Variants in MGRN1 observed in about 807,000 individuals in gnomAD.
MGRN1 encodes mahogunin ring finger 1, also known as E3 ubiquitin-protein ligase MGRN1.
Under a neutral mutation model 69.2 loss-of-function variants are expected in MGRN1, and 29 were observed. The observed-to-expected ratio is 0.42, with a 90% CI of 0.31 to 0.57. The LOEUF is 0.57. Ranked by LOEUF, MGRN1 falls within the 20% of genes least tolerant of loss-of-function variation. MGRN1 has a pLI of 0.15. For synonymous variants in MGRN1, 470 were observed against 344.2 expected, an observed-to-expected ratio of 1.37 and a Z score of -4.04; for missense variants, 998 against 796.2, an observed-to-expected ratio of 1.25 and a Z score of -3.05.
At chr16:4,627,844 G>T (rs1217861929) in intron 1 of MGRN1, among the ~76,000 whole-genome samples, 1 of 150,816 alleles carries the variant, frequency 6.6e-6, no homozygotes, top group Non-Finnish European at 1.5e-5. Context: ...ACTTTGGGAG[G>T]CTGAGGCAGG....
chr16:4,679,742 G>C (rs973124051), intron 11 of MGRN1, among the ~76,000 whole-genome samples: 1 of 152,214 alleles, frequency 6.6e-6, no homozygotes, highest in African/African-American at 2.4e-5. Context: ...GGCCAAATCT[G>C]TTGCCCCAGG....
chr16:4,633,272 C>G (rs1434435131), intron 1 of MGRN1, among the ~76,000 whole-genome samples: 1 of 151,976 alleles, frequency 6.6e-6, no homozygotes, highest in Admixed American at 6.6e-5. Context: ...GCCCATAATC[C>G]CAGCTACTCA....
chr16:4,669,785 G>C (rs1240808239), intron 8 of MGRN1, among the ~76,000 whole-genome samples: 1 of 151,988 alleles, frequency 6.6e-6, no homozygotes, highest in Non-Finnish European at 1.5e-5. Context: ...AGAATAAATG[G>C]AGCTATAGAG....
At chr16:4,643,803 T>C (rs1395879560) in intron 1 of MGRN1, among the ~76,000 whole-genome samples, 2 of 152,194 alleles carry the variant, frequency 1.3e-5, no homozygotes, top group Non-Finnish European at 2.9e-5. Context: ...TAATACCCAA[T>C]TGATCAAACA....
intron 1 of MGRN1, among the ~76,000 whole-genome samples, chr16:4,631,052 A>G (rs1192150171): frequency 6.7e-6 from 1 of 149,570 alleles, no homozygotes; most frequent in Non-Finnish European, 1.5e-5. Context: ...AAAGTCCTGG[A>G]CTCAAGCAAT....
chr16:4,668,613 C>A (rs1210715673), intron 8 of MGRN1, among the ~76,000 whole-genome samples: 2 of 142,066 alleles, frequency 1.4e-5, no homozygotes, highest in African/African-American at 2.8e-5. Flanking sequence ...CACTCACACT[C>A]ACATGCAGTC....
chr16:4,665,658 G>A (rs1203356612), intron 7 of MGRN1, among the ~76,000 whole-genome samples: 1 of 146,050 alleles, frequency 6.8e-6, no homozygotes, highest in Non-Finnish European at 1.5e-5. Context: ...CGTGAGCCAC[G>A]TGCCCGGCCT....
In MGRN1 at chr16:4,671,404, G is replaced by T. The variant is rs368889081; in HGVS notation, c.740G>T (p.Ser247Ile). The T allele has an allele frequency of 1.2e-6, 2 of 1,614,094 alleles. No homozygotes were observed. Among genetic ancestry groups the T allele is most frequent in the African/African-American group, 1.3e-5 (1 of 75,030 alleles). ...TCTGCTCTCCAGGTGGACCGGGTCA[G>T]CTACCTCCTGCAGGAGATCTATGGC... ...LKQKQIVDRV[S>I]YLLQEIYGIE... Residue 247 changes from serine (S) to isoleucine (I), a missense_variant, in exon 9 of 17, where the codon AGC becomes ATC. Coordinates refer to ENST00000262370, the MANE Select transcript of MGRN1 (RefSeq NM_015246.4).
At chr16:4,663,262 C>G (rs1296841620) in intron 5 of MGRN1, among the ~76,000 whole-genome samples, 1 of 151,586 alleles carries the variant, frequency 6.6e-6, no homozygotes, top group Non-Finnish European at 1.5e-5. Context: ...CAGGGTTTCA[C>G]CATATTGGCC....
intron 1 of MGRN1, among the ~76,000 whole-genome samples, chr16:4,638,639 C>T (rs1425829574): frequency 6.6e-6 from 1 of 152,218 alleles, no homozygotes; most frequent in Non-Finnish European, 1.5e-5. Flanking sequence ...TCTGGCCTCC[C>T]ACCTGGTGGG....
intron 5 of MGRN1, among the ~76,000 whole-genome samples, chr16:4,658,367 C>G (rs960268117): frequency 6.6e-6 from 1 of 151,532 alleles, no homozygotes; most frequent in Admixed American, 6.6e-5. Context: ...AACCCCGTCT[C>G]TACTAAAAAT....
At chr16:4,674,001 G>C (rs142439473) in intron 10 of MGRN1, among the ~76,000 whole-genome samples, 2,279 of 152,272 alleles carry the variant, frequency 0.015, 30 homozygotes, top group Non-Finnish European at 0.023. Flanking sequence ...ATTATTTTTT[G>C]TTTGAGACAG....
chr16:4,660,472 C>G (rs1017084676), intron 5 of MGRN1, among the ~76,000 whole-genome samples: 2 of 152,234 alleles, frequency 1.3e-5, no homozygotes, highest in African/African-American at 4.8e-5. Flanking sequence ...CACCTAGTTT[C>G]TGCAGTGTGA....
intron 1 of MGRN1, among the ~76,000 whole-genome samples, chr16:4,641,946 C>T (rs1336814621): frequency 6.6e-6 from 1 of 152,000 alleles, no homozygotes; most frequent in East Asian, 1.9e-4. Context: ...TGAGCCCCCT[C>T]GGCTGGCCTG....
At chr16:4,636,264 C>T (rs1231218551) in intron 1 of MGRN1, among the ~76,000 whole-genome samples, 1 of 151,934 alleles carries the variant, frequency 6.6e-6, no homozygotes, top group Non-Finnish European at 1.5e-5. Context: ...TGGGAACCAC[C>T]CCCCTGACTT....
intron 1 of MGRN1, among the ~76,000 whole-genome samples, chr16:4,644,637 T>G (rs2078237371): frequency 6.6e-6 from 1 of 152,208 alleles, no homozygotes; most frequent in Non-Finnish European, 1.5e-5. Context: ...GAAACCTTGA[T>G]AACATCAATT....
intron 13 of MGRN1, 107 bp downstream of exon 13, chr16:4,681,883 T>C: frequency 8.6e-7 from 1 of 1,169,090 alleles, no homozygotes; most frequent in Non-Finnish European, 1.2e-6. Context: ...TGTGTGGCGA[T>C]TCCCCAGAAG....
chr16:4,663,906 C>T (rs2078740460), intron 5 of MGRN1, among the ~76,000 whole-genome samples: 1 of 152,238 alleles, frequency 6.6e-6, no homozygotes, highest in Non-Finnish European at 1.5e-5. Context: ...GGAAGCTTCT[C>T]TTTGGACTCA....
At chr16:4,653,603 C>A (rs967069743) in intron 4 of MGRN1, among the ~76,000 whole-genome samples, 1 of 152,146 alleles carries the variant, frequency 6.6e-6, no homozygotes, top group African/African-American at 2.4e-5. Flanking sequence ...ATTCTCCTGC[C>A]TCAGCCTCCT....
Sources: gnomAD v4.1 joint callset for allele counts (sites outside exome capture counted in the v4.1 genomes callset) on GRCh38, gnomAD v4.1.1 for gene constraint, MANE v1.5 for transcripts, NCBI Gene and HGNC (gene_info 2026-07-23, HGNC 2026-07-21) for gene names.